The following FAM81B variants were observed in gnomAD, a reference collection of about 807,000 sequenced individuals.
FAM81B encodes protein FAM81B.
In FAM81B, 60 loss-of-function variants were observed where a neutral mutation model predicts 58.7. That is an observed-to-expected ratio of 1.02 (90% confidence interval 0.83 to 1.27). The LOEUF is 1.27. FAM81B is among the 50% of genes most tolerant of loss of function. The probability of loss-of-function intolerance (pLI) is 0.00; values close to 1 mark genes in which losing one functional copy is unlikely to be tolerated. For synonymous variants in FAM81B, 189 were observed against 179.6 expected (o/e 1.05, Z -0.42); for missense variants, 491 against 522.0 (o/e 0.94, Z 0.58).
At chr5:95,401,715 T>A (rs973578571) in intron 3 of FAM81B, among the ~76,000 whole-genome samples, 1 of 152,192 alleles carries the variant, frequency 6.6e-6, no homozygotes, top group Non-Finnish European at 1.5e-5. Flanking sequence ...TTTTCAAGTT[T>A]GATTCTCTGA....
intron 4 of FAM81B, 138 bp downstream of exon 4, chr5:95,414,328 G>T: frequency 3.9e-6 from 4 of 1,023,828 alleles, no homozygotes; most frequent in Non-Finnish European, 5.6e-6. Flanking sequence ...TTACATTTTA[G>T]TGGTCTAAGA....
Position 95,404,057 on chromosome 5 carries a change from G to A in FAM81B, c.293+7882G>A, listed in dbSNP as rs563431728. On this transcript the variant is annotated intron_variant, in intron 3 of 9. Coordinates refer to ENST00000283357, the MANE Select transcript of FAM81B (RefSeq NM_152548.3). ...AATGAAGCATAATTTATAAGTGTCT[G>A]TACAAGACTGAAAACCGGGAGACCA... Among the ~76,000 whole-genome samples the A allele has an allele frequency of 2.0e-5, 3 of 152,276 alleles. No homozygotes were observed. In the East Asian group the frequency reaches 5.8e-4, roughly 29 times the overall value.
intron 3 of FAM81B, among the ~76,000 whole-genome samples, chr5:95,406,599 G>T (rs1270296720): frequency 1.3e-5 from 2 of 152,248 alleles, no homozygotes; most frequent in East Asian, 1.9e-4. Flanking sequence ...ACTCCCAACA[G>T]TTGGGGGGTA....
chr5:95,393,473 C>CCT (rs2067134), intron 2 of FAM81B, among the ~76,000 whole-genome samples: 116,890 of 151,900 alleles, frequency 0.77, 45,104 homozygotes, highest in East Asian at 0.85. Context: ...GATTACTTAA[C>CCT]CTCTGTTTCT....
intron 2 of FAM81B, among the ~76,000 whole-genome samples, chr5:95,395,710 G>A (rs1761948809): frequency 6.6e-6 from 1 of 152,178 alleles, no homozygotes. Flanking sequence ...TAGTTTTCTA[G>A]TTCGGGGCTT....
intron 2 of FAM81B, 63 bp downstream of exon 2, chr5:95,392,960 G>T: frequency 7.3e-7 from 1 of 1,367,356 alleles, no homozygotes; most frequent in Non-Finnish European, 9.9e-7. Context: ...TTAAAGTTTA[G>T]AGTGCTTAGA....
intron 2 of FAM81B, among the ~76,000 whole-genome samples, chr5:95,394,193 T>C (rs1229804785): frequency 6.6e-6 from 1 of 152,216 alleles, no homozygotes; most frequent in African/African-American, 2.4e-5. Flanking sequence ...GTGTGTGTTG[T>C]AGGTGTGTTT....
chr5:95,420,161 C>G, intron 4 of FAM81B, 123 bp from the exon 5 acceptor site: 2 of 1,164,946 alleles, frequency 1.7e-6, no homozygotes, highest in South Asian at 2.8e-5. Context: ...ATAGGACTCT[C>G]TCACTCATGC....
intron 4 of FAM81B, 148 bp downstream of exon 4, chr5:95,414,338 A>C (rs2031822008): frequency 2.1e-6 from 2 of 930,858 alleles, no homozygotes; most frequent in Non-Finnish European, 3.1e-6. Flanking sequence ...GTGGTCTAAG[A>C]GGGAAACAGT....
intron 4 of FAM81B, among the ~76,000 whole-genome samples, chr5:95,418,325 T>A (rs947532013): frequency 1.3e-4 from 20 of 152,122 alleles, no homozygotes; most frequent in Non-Finnish European, 2.4e-4. Flanking sequence ...TGCTGGCAAT[T>A]CCACTATGGC....
intron 7 of FAM81B, among the ~76,000 whole-genome samples, chr5:95,445,654 C>G (rs919410218): frequency 2.0e-5 from 3 of 151,952 alleles, no homozygotes; most frequent in African/African-American, 7.3e-5. Context: ...CTGCTTTTGC[C>G]CCACATGAGT....
intron 6 of FAM81B, among the ~76,000 whole-genome samples, chr5:95,436,000 C>T (rs571809125): frequency 6.6e-6 from 1 of 152,132 alleles, no homozygotes; most frequent in Admixed American, 6.5e-5. Context: ...TATTAAATGC[C>T]CACTCTCCTC....
chr5:95,433,354 A>G (rs1172208088), intron 6 of FAM81B, among the ~76,000 whole-genome samples: 3 of 152,026 alleles, frequency 2.0e-5, no homozygotes, highest in Admixed American at 2.0e-4. Flanking sequence ...TCTCATGAGA[A>G]CTCACTCACT....
At chr5:95,447,312 GA>G (rs1326863663) in intron 8 of FAM81B, among the ~76,000 whole-genome samples, 2 of 152,182 alleles carry the variant, frequency 1.3e-5, no homozygotes, top group Non-Finnish European at 2.9e-5. Context: ...GATGTTTTGA[GA>G]ACTTAGGTAG....
rs760321217 is a variant in FAM81B at position 95,428,737 on chromosome 5, T to G, written c.786+5T>G. On this transcript the variant is annotated splice_donor_5th_base_variant and intron_variant, in intron 6 of 9. Transcript: ENST00000283357. ...TCCAAGAACTTGGACATGAAGGTAA[T>G]TGAAAATAGATGGGACTCATATTAC... 3 of 1,613,722 alleles carry G rather than the reference T, an allele frequency of 1.9e-6. No homozygotes were observed. Among genetic ancestry groups the G allele is most frequent in the Non-Finnish European group, 2.5e-6 (3 of 1,179,648 alleles).
At chr5:95,418,638 CAA>C (rs1762599233) in intron 4 of FAM81B, among the ~76,000 whole-genome samples, 1 of 152,012 alleles carries the variant, frequency 6.6e-6, no homozygotes, top group South Asian at 2.1e-4. Flanking sequence ...TAGGGAGAAA[CAA>C]TATATATAGG....
intron 3 of FAM81B, among the ~76,000 whole-genome samples, chr5:95,404,954 A>T (rs559076434): frequency 6.6e-6 from 1 of 152,270 alleles, no homozygotes; most frequent in South Asian, 2.1e-4. Context: ...TAGAAAGGAG[A>T]GATAAGATTT....
At position 95,404,410 on chromosome 5, in the gene FAM81B, T is replaced by C. The variant is rs558854431; in HGVS notation, c.293+8235T>C. Among the ~76,000 whole-genome samples the C allele has an allele frequency of 1.8e-3, 274 of 152,214 alleles. 2 individuals are homozygous for C. Among genetic ancestry groups the C allele is most frequent in the African/African-American group, 5.9e-3 (246 of 41,524 alleles). The stretch of plus-strand genomic sequence containing the variant: ...GGCAAAGTTTTCTTTGCACCTCAGA[T>C]TTCCAGGTGATAGAAAAGAAGAATC... On this transcript the variant is annotated intron_variant, in intron 3 of 9. Coordinates refer to ENST00000283357, the MANE Select transcript of FAM81B (RefSeq NM_152548.3).
intron 4 of FAM81B, among the ~76,000 whole-genome samples, chr5:95,418,178 C>T (rs148464592): frequency 1.7e-4 from 26 of 152,326 alleles, no homozygotes; most frequent in African/African-American, 5.8e-4. Context: ...CACATTCACA[C>T]TGTCAATACT....
Sources: gnomAD v4.1 joint callset for allele counts (sites outside exome capture counted in the v4.1 genomes callset) on GRCh38, gnomAD v4.1.1 for gene constraint, MANE v1.5 for transcripts, NCBI Gene and HGNC (gene_info 2026-07-23, HGNC 2026-07-21) for gene names.